The following LAMA2 variants were observed in gnomAD, a reference collection of about 807,000 sequenced individuals.
LAMA2 encodes laminin subunit alpha-2.
In LAMA2, 269 loss-of-function variants were observed where a neutral mutation model predicts 364.8. That is an observed-to-expected ratio of 0.74 (90% CI 0.67 to 0.82). The LOEUF is 0.82. LAMA2 is among the 40% of genes least tolerant of loss of function. The pLI, the probability that LAMA2 is intolerant of heterozygous loss-of-function variation, is 0.00. For synonymous variants in LAMA2, 1,379 were observed against 1,370.6 expected (o/e 1.01, Z -0.14); for missense variants, 3,807 against 3,873.2 (o/e 0.98, Z 0.45).
At chr6:129,120,981 G>T (rs1776773303) in intron 4 of LAMA2, among the ~76,000 whole-genome samples, 1 of 152,126 alleles carries the variant, frequency 6.6e-6, no homozygotes, top group African/African-American at 2.4e-5. Flanking sequence ...CCTTCAGCTG[G>T]ACTTTTCAAG....
At chr6:129,048,476 CTTTCTTTCT>C (rs1787708720) in intron 1 of LAMA2, among the ~76,000 whole-genome samples, 109 of 63,094 alleles carry the variant, frequency 1.7e-3, no homozygotes, top group African/African-American at 5.5e-3. Flanking sequence ...TTCTTTCTTT[CTTTCTTTCT>C]TTCTTTCTTT....
At chr6:128,931,384 T>TA (rs774049945) in intron 1 of LAMA2, among the ~76,000 whole-genome samples, 205 of 152,344 alleles carry the variant, frequency 1.3e-3, no homozygotes, top group Non-Finnish European at 2.4e-3. Context: ...TTTTGCATAA[T>TA]GCCTAGCAAA....
chr6:129,442,969 AT>A, intron 43 of LAMA2, 93 bp from the exon 44 acceptor site: 2 of 901,304 alleles, frequency 2.2e-6, no homozygotes, highest in Non-Finnish European at 1.7e-6. Context: ...GAAAAATACC[AT>A]TTTTAGTCAC....
chr6:128,982,657 GCAGGTTAGTTA>G (rs959308027), intron 1 of LAMA2, among the ~76,000 whole-genome samples: 7 of 151,056 alleles, frequency 4.6e-5, no homozygotes, highest in Admixed American at 1.3e-4. Context: ...TGCACAATGT[GCAGGTTAGTTA>G]CATATGTATA....
intron 22 of LAMA2, among the ~76,000 whole-genome samples, chr6:129,306,150 C>T (rs1412485717): frequency 7.9e-5 from 12 of 151,754 alleles, no homozygotes; most frequent in Non-Finnish European, 1.0e-4. Flanking sequence ...AAGAAAATTT[C>T]TCCTATAACT....
At chr6:129,045,577 G>A (rs1787426900) in intron 1 of LAMA2, among the ~76,000 whole-genome samples, 8 of 152,014 alleles carry the variant, frequency 5.3e-5, no homozygotes, top group Admixed American at 5.2e-4. Context: ...GGGTTATATG[G>A]GAATTAAATA....
At chr6:128,929,523 CT>C in intron 1 of LAMA2, 1 of 888,628 alleles carries the variant, frequency 1.1e-6, no homozygotes, top group Non-Finnish European at 1.9e-6. Context: ...CTGCTTGTAC[CT>C]GTAGAGAAAC....
intron 34 of LAMA2, among the ~76,000 whole-genome samples, chr6:129,372,437 A>G (rs778530597): frequency 5.3e-5 from 8 of 152,186 alleles, no homozygotes; most frequent in Non-Finnish European, 8.8e-5. Context: ...CCTTGGTAAT[A>G]TACACTTAAG....
intron 1 of LAMA2, among the ~76,000 whole-genome samples, chr6:128,937,270 AT>A: frequency 6.6e-6 from 1 of 152,034 alleles, no homozygotes; most frequent in Non-Finnish European, 1.5e-5. Context: ...ATTTGCTAGT[AT>A]TTTTTTGAGG....
At chr6:129,042,508 A>C (rs1787178124) in intron 1 of LAMA2, among the ~76,000 whole-genome samples, 2 of 152,160 alleles carry the variant, frequency 1.3e-5, no homozygotes, top group Non-Finnish European at 2.9e-5. Flanking sequence ...TTTCAAGCTC[A>C]AATTTATCTA....
chr6:129,365,520 G>A lies in LAMA2; in HGVS notation c.4718-699G>A, dbSNP rs373273574. Among the ~76,000 whole-genome samples, 98 of 151,940 alleles carry A rather than the reference G, an allele frequency of 6.4e-4. No individual in the cohort carries two copies. In the South Asian group the frequency reaches 7.3e-3, roughly 11 times the overall value. On this transcript the variant is annotated intron_variant, in intron 32 of 64. Transcript: ENST00000421865. ...TGAGACTACAGGGGCCCGCCACCAC[G>A]CCTGGCTAATTTTTGTATTTTTAGT...
intron 1 of LAMA2, among the ~76,000 whole-genome samples, chr6:129,026,444 A>G (rs1189366343): frequency 6.6e-6 from 1 of 152,170 alleles, no homozygotes; most frequent in Non-Finnish European, 1.5e-5. Flanking sequence ...AAATGAATGC[A>G]GTAGCTACAC....
chr6:129,104,265 C>G (rs1008133321), intron 4 of LAMA2, among the ~76,000 whole-genome samples: 1 of 152,168 alleles, frequency 6.6e-6, no homozygotes, highest in Non-Finnish European at 1.5e-5. Context: ...TCTAAAGTTA[C>G]AGTCTTCTGA....
At chr6:129,237,452 C>T (rs1056451463) in intron 12 of LAMA2, among the ~76,000 whole-genome samples, 3 of 152,026 alleles carry the variant, frequency 2.0e-5, no homozygotes, top group South Asian at 4.1e-4. Flanking sequence ...TTCTCTGCCT[C>T]AGCCTCCCGA....
chr6:129,254,065 T>A (rs1004853034), intron 14 of LAMA2, among the ~76,000 whole-genome samples: 11 of 152,194 alleles, frequency 7.2e-5, no homozygotes, highest in African/African-American at 2.7e-4. Flanking sequence ...GTAGATTGAG[T>A]CATATTTGTA....
chr6:129,195,995 G>A (rs1781821311), intron 12 of LAMA2, among the ~76,000 whole-genome samples: 1 of 152,142 alleles, frequency 6.6e-6, no homozygotes, highest in Admixed American at 6.6e-5. Flanking sequence ...AAGCTAGCTT[G>A]GCTTGTCTGC....
chr6:129,100,393 GAAAGTAATTCA>G (rs1341933416), intron 4 of LAMA2, among the ~76,000 whole-genome samples: 1 of 152,156 alleles, frequency 6.6e-6, no homozygotes, highest in Non-Finnish European at 1.5e-5. Context: ...ATAAGGAACA[GAAAGTAATTCA>G]AAATATTTGC....
intron 12 of LAMA2, among the ~76,000 whole-genome samples, chr6:129,249,171 G>T (rs908078665): frequency 6.6e-6 from 1 of 152,148 alleles, no homozygotes; most frequent in Non-Finnish European, 1.5e-5. Flanking sequence ...AGGGTTGGAC[G>T]TGAAAGGCCA....
intron 3 of LAMA2, among the ~76,000 whole-genome samples, chr6:129,091,143 G>A (rs929633521): frequency 2.6e-5 from 4 of 151,980 alleles, no homozygotes; most frequent in Admixed American, 1.3e-4. Context: ...ATTCTCTTAG[G>A]GACATTGAAA....
Sources: allele counts gnomAD v4.1 joint callset (sites outside exome capture counted in the v4.1 genomes callset), GRCh38; gene constraint gnomAD v4.1.1; transcripts MANE v1.5; gene names NCBI Gene and HGNC (gene_info 2026-07-23, HGNC 2026-07-21).